The following ALDH1A1 variants were observed in gnomAD, a reference collection of about 807,000 sequenced individuals.
ALDH1A1 encodes aldehyde dehydrogenase 1A1.
In ALDH1A1, 19 loss-of-function variants were observed where a neutral mutation model predicts 62.1. The ratio of observed to expected loss-of-function variants is 0.31; its 90% CI spans 0.21 to 0.45. The LOEUF is 0.45. Among genes scored for constraint, ALDH1A1 ranks in the 20% least tolerant of loss-of-function variants. The pLI is 1.00. For missense variants in ALDH1A1, 521 were observed against 607.1 expected (o/e 0.86, Z 1.49); for synonymous variants, 231 against 215.9 (o/e 1.07, Z -0.61).
intron 4 of ALDH1A1, 68 bp from the exon 5 acceptor site, chr9:72,927,245 T>C (rs1465695065): frequency 1.6e-5 from 19 of 1,193,746 alleles, no homozygotes; most frequent in Non-Finnish European, 2.3e-5. Flanking sequence ...TGGTGGTTGG[T>C]GATGTGAGAG....
chr9:72,907,726 T>G (rs1237845155), intron 11 of ALDH1A1, among the ~76,000 whole-genome samples: 1 of 152,208 alleles, frequency 6.6e-6, no homozygotes, highest in Non-Finnish European at 1.5e-5. Flanking sequence ...ATAGGATTGT[T>G]TCAAGGTATG....
intron 7 of ALDH1A1, among the ~76,000 whole-genome samples, chr9:72,921,590 T>C (rs927137268): frequency 6.7e-6 from 1 of 149,456 alleles, no homozygotes; most frequent in Non-Finnish European, 1.5e-5. Context: ...TAGTTACATA[T>C]GTATACATGT....
chr9:72,944,716 G>T (rs1386016256), intron 1 of ALDH1A1, among the ~76,000 whole-genome samples: 1 of 151,978 alleles, frequency 6.6e-6, no homozygotes, highest in Non-Finnish European at 1.5e-5. Context: ...CAGCTTAGAG[G>T]AAAAGAGATG....
chr9:72,941,547 C>T (rs1208694210), intron 1 of ALDH1A1, among the ~76,000 whole-genome samples: 1 of 152,168 alleles, frequency 6.6e-6, no homozygotes, highest in South Asian at 2.1e-4. Flanking sequence ...TGTCTGCCTT[C>T]CATCAAGGGC....
chr9:72,922,359 A>G (rs1358750386), intron 7 of ALDH1A1, among the ~76,000 whole-genome samples: 1 of 152,172 alleles, frequency 6.6e-6, no homozygotes, highest in African/African-American at 2.4e-5. Flanking sequence ...TTTAATCTCC[A>G]GGGATTTTTT....
At chr9:72,926,352 A>C (rs1830208199) in intron 5 of ALDH1A1, among the ~76,000 whole-genome samples, 1 of 152,228 alleles carries the variant, frequency 6.6e-6, no homozygotes, top group Non-Finnish European at 1.5e-5. Flanking sequence ...TTTCACTAAA[A>C]TATTGATATG....
At position 72,926,241 on chromosome 9, in the gene ALDH1A1, T is replaced by C. The variant is rs1451471160; in HGVS notation, c.505-629A>G. On this transcript the variant is annotated intron_variant, in intron 5 of 12. Transcript: ENST00000297785. Reference sequence around the variant, plus strand: ...AAAGAGGGCCAGGGGCTCAACACAATGACTGGTCTAGCATAGACAAGTAGT... The same window carrying C: ...AAAGAGGGCCAGGGGCTCAACACAACGACTGGTCTAGCATAGACAAGTAGT... Among the ~76,000 whole-genome samples, 3 of 152,216 alleles carry C rather than the reference T, an allele frequency of 2.0e-5. No individual in the cohort carries two copies. In the South Asian group the frequency reaches 6.2e-4, roughly 32 times the overall value.
At chr9:72,916,186 G>A (rs1830060870) in intron 9 of ALDH1A1, among the ~76,000 whole-genome samples, 3 of 152,118 alleles carry the variant, frequency 2.0e-5, no homozygotes, top group African/African-American at 7.2e-5. Flanking sequence ...TCCCCGGGGT[G>A]AGGGGAGCAA....
intron 8 of ALDH1A1, 52 bp from the exon 9 acceptor site, chr9:72,917,156 TTA>T (rs1355780304): frequency 4.7e-6 from 6 of 1,266,590 alleles, no homozygotes; most frequent in Non-Finnish European, 6.0e-6. Context: ...ATTATATATT[TTA>T]TATGTTTCTC....
chr9:72,914,406 T>A (rs184384931), intron 9 of ALDH1A1, among the ~76,000 whole-genome samples: 1 of 152,326 alleles, frequency 6.6e-6, no homozygotes, highest in Non-Finnish European at 1.5e-5. Context: ...ATTATCCAAT[T>A]GCACTGCAGA....
At chr9:72,939,134 G>A (rs1343693362) in intron 2 of ALDH1A1, among the ~76,000 whole-genome samples, 2 of 152,100 alleles carry the variant, frequency 1.3e-5, no homozygotes, top group Admixed American at 1.3e-4. Context: ...TTTTAATGTT[G>A]AGGTTATTAC....
At chr9:72,948,344 T>C (rs1364253812) in intron 1 of ALDH1A1, among the ~76,000 whole-genome samples, 2 of 151,894 alleles carry the variant, frequency 1.3e-5, no homozygotes, top group Non-Finnish European at 2.9e-5. Context: ...CATAAGTCCT[T>C]TCCTGTTTTA....
At chr9:72,907,961 G>A (rs563609847) in intron 11 of ALDH1A1, among the ~76,000 whole-genome samples, 1 of 152,164 alleles carries the variant, frequency 6.6e-6, no homozygotes, top group South Asian at 2.1e-4. Flanking sequence ...TGTTACAATG[G>A]CATTTAAATT....
chr9:72,904,324 A>G (rs891017799), intron 12 of ALDH1A1, among the ~76,000 whole-genome samples: 4 of 152,082 alleles, frequency 2.6e-5, no homozygotes, highest in African/African-American at 9.7e-5. Flanking sequence ...AATAAAATCT[A>G]AGTCAAATTT....
chr9:72,948,506 C>T (rs531777654), intron 1 of ALDH1A1, among the ~76,000 whole-genome samples: 10 of 151,964 alleles, frequency 6.6e-5, no homozygotes, highest in Non-Finnish European at 1.0e-4. Context: ...CTCTTGTCCT[C>T]GGGGTCTTTG....
intron 11 of ALDH1A1, among the ~76,000 whole-genome samples, chr9:72,908,985 G>A (rs369884774): frequency 2.0e-5 from 3 of 152,024 alleles, no homozygotes; most frequent in African/African-American, 4.8e-5. Flanking sequence ...AGTAAATATT[G>A]TTCTTACTCT....
intron 5 of ALDH1A1, 57 bp downstream of exon 5, chr9:72,927,059 A>T: frequency 8.1e-7 from 1 of 1,236,238 alleles, no homozygotes; most frequent in Non-Finnish European, 1.2e-6. Context: ...CTTCATCATT[A>T]GATAGAATAA....
chr9:72,951,988 A>G (rs781162106), intron 1 of ALDH1A1, among the ~76,000 whole-genome samples: 42 of 151,998 alleles, frequency 2.8e-4, no homozygotes, highest in Non-Finnish European at 5.6e-4. Context: ...GAGGAAATAA[A>G]TATATAACAG....
At chr9:72,906,266 C>T (rs188387722) in intron 11 of ALDH1A1, among the ~76,000 whole-genome samples, 12 of 152,126 alleles carry the variant, frequency 7.9e-5, no homozygotes, top group African/African-American at 2.4e-4. Flanking sequence ...CCATTTTGGT[C>T]GTACATTGTG....
Sources: gnomAD v4.1 joint callset for allele counts (sites outside exome capture counted in the v4.1 genomes callset) on GRCh38, gnomAD v4.1.1 for gene constraint, MANE v1.5 for transcripts, NCBI Gene and HGNC (gene_info 2026-07-23, HGNC 2026-07-21) for gene names.